Variants in ACSM2A observed in about 807,000 individuals in gnomAD.
ACSM2A encodes the protein acyl-coenzyme A synthetase ACSM2A, mitochondrial.
Under a neutral mutation model 76.6 loss-of-function variants are expected in ACSM2A, and 72 were observed. The ratio of observed to expected loss-of-function variants is 0.94; its 90% CI spans 0.78 to 1.14. The LOEUF (loss-of-function observed/expected upper bound fraction) is 1.14. Among genes scored for constraint, ACSM2A ranks in the 50% most tolerant of loss-of-function variants. ACSM2A has a pLI of 0.00. For missense variants in ACSM2A, 684 were observed against 708.5 expected (o/e 0.97, Z 0.39); for synonymous variants, 249 against 255.9 (o/e 0.97, Z 0.26).
intron 1 of ACSM2A, among the ~76,000 whole-genome samples, chr16:20,456,511 C>G (rs915957776): frequency 6.6e-6 from 1 of 151,814 alleles, no homozygotes; most frequent in African/African-American, 2.4e-5. Context: ...TTCAAAATCA[C>G]GTGAATACGT....
rs1252287991 is a variant in ACSM2A at position 20,471,690 on chromosome 16, G to A, written c.894+1G>A. 2 of 1,606,378 alleles carry A rather than the reference G, an allele frequency of 1.2e-6. No individual in the cohort carries two copies. Among genetic ancestry groups the A allele is most frequent in the Non-Finnish European group, 1.7e-6 (2 of 1,175,886 alleles). Reference sequence around the variant, plus strand: ...GTTTGACCCACTGGTTATTCTAAAGGTAAGAGAGGATCCAGTTTGCAGCAG... The same window carrying A: ...GTTTGACCCACTGGTTATTCTAAAGATAAGAGAGGATCCAGTTTGCAGCAG... On this transcript the variant is annotated splice_donor_variant, in intron 6 of 13. Transcript: ENST00000573854. LOFTEE classifies it high-confidence loss of function.
Position 20,475,351 on chromosome 16 carries a change from T to C in ACSM2A, c.895-11T>C. ...TGGTGACCAATGTCTCACCTGGCTC[T>C]TGTCTTCCAGACACTCTCCAGTTAT... On this transcript the variant is annotated splice_polypyrimidine_tract_variant and intron_variant, in intron 6 of 13. Transcript: ENST00000573854. 6.2e-7 allele frequency: 1 copy of C among 1,613,680 alleles called. No homozygotes were observed. Among genetic ancestry groups the C allele is most frequent in the Non-Finnish European group, 8.5e-7 (1 of 1,179,658 alleles).
At chr16:20,475,863 C>A (rs1464705462) in intron 8 of ACSM2A, 90 bp downstream of exon 8, 1 of 1,583,286 alleles carries the variant, frequency 6.3e-7, no homozygotes, top group South Asian at 1.2e-5. Context: ...CACCATGTAT[C>A]ATTCATCTAT....
At chr16:20,465,875 C>T (rs2012966001) in intron 3 of ACSM2A, 148 bp downstream of exon 3, 1 of 1,413,860 alleles carries the variant, frequency 7.1e-7, no homozygotes, top group Admixed American at 2.9e-5. Context: ...CCTACTTCCA[C>T]TTATTTAAGC....
chr16:20,480,853 G>T lies in ACSM2A; in HGVS notation c.1441G>T (p.Ala481Ser). The T allele has an allele frequency of 1.2e-6, 2 of 1,613,994 alleles. No homozygotes were observed. The highest frequency in any genetic ancestry group is 2.2e-5 in the South Asian group (2 of 91,068). Residue 481 changes from alanine to serine, a missense_variant, in exon 12 of 14, where the codon GCA becomes TCA. Coordinates refer to ENST00000573854, the MANE Select transcript of ACSM2A (RefSeq NM_001308172.2). Reference protein sequence around the residue: ...YRIGPSEVENALMEHPAVVET... With the variant: ...YRIGPSEVENSLMEHPAVVET... ...GATTGGACCCTCGGAGGTAGAGAAT[G>T]CACTGATGGAGCACCCTGCTGTGGT...
At chr16:20,475,237 TA>T (rs2013662783) in intron 6 of ACSM2A, 124 bp from the exon 7 acceptor site, 1 of 1,560,986 alleles carries the variant, frequency 6.4e-7, no homozygotes, top group African/African-American at 1.4e-5. Flanking sequence ...TCAGACATAG[TA>T]AACAAGCTAG....
At chr16:20,470,875 T>C in intron 4 of ACSM2A, 198 bp from the exon 5 acceptor site, 1 of 793,060 alleles carries the variant, frequency 1.3e-6, no homozygotes. Context: ...GATAACAAAG[T>C]GTGAAACTTC....
chr16:20,464,689 T>G (rs1299528956), intron 2 of ACSM2A, among the ~76,000 whole-genome samples: 2 of 152,070 alleles, frequency 1.3e-5, no homozygotes, highest in Non-Finnish European at 2.9e-5. Flanking sequence ...AACATGAGAC[T>G]TGGAGAGGAC....
rs2013661139 is a variant in ACSM2A, at chr16:20,475,220, A to G, written c.895-142A>G. 5.2e-6 allele frequency: 8 copies of G among 1,542,734 alleles called. No homozygotes were observed. The South Asian group carries it at 9.7e-5, about 19-fold the overall frequency. On this transcript the variant is annotated intron_variant, in intron 6 of 13. Coordinates refer to ENST00000573854, the MANE Select transcript of ACSM2A (RefSeq NM_001308172.2). ...GCATGAGAGTTGTGGGGCTCATTTA[A>G]CCTGAATCAGACATAGTAAACAAGC...
chr16:20,469,379 T>G, intron 3 of ACSM2A, 133 bp from the exon 4 acceptor site: 2 of 1,466,790 alleles, frequency 1.4e-6, no homozygotes, highest in Non-Finnish European at 1.8e-6. Flanking sequence ...CCTTTTTTAT[T>G]GACACTCTCT....
chr16:20,463,610 T>C (rs1268578807), intron 2 of ACSM2A, among the ~76,000 whole-genome samples: 2 of 152,118 alleles, frequency 1.3e-5, no homozygotes. Context: ...CCTGAGGCCC[T>C]CACCAGAAGC....
At chr16:20,463,529 T>G (rs952949198) in intron 2 of ACSM2A, among the ~76,000 whole-genome samples, 1 of 152,002 alleles carries the variant, frequency 6.6e-6, no homozygotes, top group African/African-American at 2.4e-5. Context: ...CCCCACGCTC[T>G]CTCTCTTGTT....
intron 1 of ACSM2A, among the ~76,000 whole-genome samples, chr16:20,456,810 A>G (rs1260172756): frequency 1.3e-5 from 2 of 150,818 alleles, no homozygotes; most frequent in African/African-American, 2.4e-5. Flanking sequence ...ATCAGAGCAG[A>G]ACTAAATGAA....
At chr16:20,461,768 G>A (rs775974809) in intron 2 of ACSM2A, among the ~76,000 whole-genome samples, 11 of 152,132 alleles carry the variant, frequency 7.2e-5, no homozygotes, top group South Asian at 2.1e-4. Context: ...TTATGCACCT[G>A]TCTTGTTAGT....
intron 5 of ACSM2A, 134 bp downstream of exon 5, chr16:20,471,350 A>G (rs2013382122): frequency 1.1e-5 from 16 of 1,500,958 alleles, no homozygotes; most frequent in East Asian, 2.3e-5. Flanking sequence ...TTGATACAGG[A>G]TGTGTGGATA....
intron 2 of ACSM2A, among the ~76,000 whole-genome samples, chr16:20,462,152 A>G (rs1427734600): frequency 3.9e-5 from 6 of 152,196 alleles, no homozygotes; most frequent in Non-Finnish European, 7.3e-5. Context: ...GATGTTAACT[A>G]CAGGAGCAAC....
At chr16:20,452,478 C>T (rs2011824507) in intron 1 of ACSM2A, 2 of 131,512 alleles carry the variant, frequency 1.5e-5, no homozygotes, top group Admixed American at 1.5e-4. Context: ...TGAGTTAATA[C>T]TGAATAAACT....
Position 20,475,543 on chromosome 16 carries a change from C to A in ACSM2A, c.974+102C>A, listed in dbSNP as rs2013683684. The A allele has an allele frequency of 4.4e-6, 7 of 1,601,430 alleles. No homozygotes were observed. In the Admixed American group the frequency reaches 1.2e-4, roughly 27 times the overall value. On this transcript the variant is annotated intron_variant, in intron 7 of 13. Coordinates refer to ENST00000573854, the MANE Select transcript of ACSM2A (RefSeq NM_001308172.2). Reference sequence around the variant, plus strand: ...ATCTGAATCTCTCGCACACAGAGAGCCCCATGAAGCCATTTGCATCATCAA... The same window carrying A: ...ATCTGAATCTCTCGCACACAGAGAGACCCATGAAGCCATTTGCATCATCAA...
At chr16:20,453,995 C>T (rs541670768) in intron 1 of ACSM2A, 38 of 117,352 alleles carry the variant, frequency 3.2e-4, no homozygotes, top group African/African-American at 1.5e-3. Context: ...AGACCCTCAT[C>T]AGTAATTCTA....
Sources: allele counts gnomAD v4.1 joint callset (sites outside exome capture counted in the v4.1 genomes callset), GRCh38; gene constraint gnomAD v4.1.1; transcripts MANE v1.5; gene names NCBI Gene and HGNC (gene_info 2026-07-23, HGNC 2026-07-21).